The following LDAH variants were observed in gnomAD, a reference collection of about 807,000 sequenced individuals.
LDAH encodes lipid droplet associated hydrolase.
LDAH carries 26 observed loss-of-function variants against 29.6 expected under a neutral mutation model. The observed-to-expected ratio is 0.88, with a 90% CI of 0.64 to 1.22. The LOEUF (loss-of-function observed/expected upper bound fraction) is 1.22. Among genes scored for constraint, LDAH ranks in the 50% most tolerant of loss-of-function variants. The probability of loss-of-function intolerance (pLI) is 0.00; values close to 1 mark genes in which losing one functional copy is unlikely to be tolerated. For missense variants in LDAH, 344 were observed against 387.3 expected, an observed-to-expected ratio of 0.89 and a Z score of 0.94; for synonymous variants, 117 against 133.0, an observed-to-expected ratio of 0.88 and a Z score of 0.83.
At chr2:20,794,584 T>C (rs1268522729) in intron 2 of LDAH, among the ~76,000 whole-genome samples, 1 of 152,174 alleles carries the variant, frequency 6.6e-6, no homozygotes, top group Non-Finnish European at 1.5e-5. Flanking sequence ...AATGCTGGAT[T>C]GGTTTAACAT....
intron 5 of LDAH, among the ~76,000 whole-genome samples, chr2:20,737,950 A>G (rs1458144264): frequency 6.6e-6 from 1 of 152,086 alleles, no homozygotes; most frequent in East Asian, 1.9e-4. Flanking sequence ...TTTTGCTTTT[A>G]AGATAAAAAT....
chr2:20,801,684 TC>T (rs1302531116), intron 1 of LDAH, among the ~76,000 whole-genome samples: 1 of 152,060 alleles, frequency 6.6e-6, no homozygotes, highest in Non-Finnish European at 1.5e-5. Flanking sequence ...AGGAGACATA[TC>T]CTTGGAAAAA....
intron 5 of LDAH, among the ~76,000 whole-genome samples, chr2:20,704,310 C>G (rs1185429097): frequency 2.0e-5 from 3 of 152,144 alleles, no homozygotes; most frequent in Admixed American, 1.3e-4. Flanking sequence ...TATTTAGTCG[C>G]AGTTATATAC....
rs368436747 is a variant in LDAH, at chr2:20,707,750, C to T, written c.704-6098G>A. On this transcript the variant is annotated intron_variant, in intron 5 of 6. Coordinates refer to ENST00000237822, the MANE Select transcript of LDAH (RefSeq NM_021925.4). Reference sequence around the variant, plus strand: ...CTGTTTCTACCAGTCCACCAGAGAACGTCACAACCAACAATGCATCCACTA... The same window carrying T: ...CTGTTTCTACCAGTCCACCAGAGAATGTCACAACCAACAATGCATCCACTA... Among the ~76,000 whole-genome samples, 229 of 152,358 alleles carry T rather than the reference C, an allele frequency of 1.5e-3. 4 individuals are homozygous for T. The South Asian group carries it at 0.043, about 29-fold the overall frequency.
At chr2:20,731,574 T>A (rs1232068025) in intron 5 of LDAH, among the ~76,000 whole-genome samples, 1 of 152,220 alleles carries the variant, frequency 6.6e-6, no homozygotes, top group Non-Finnish European at 1.5e-5. Flanking sequence ...GAACACAGTA[T>A]GTCTCTCCAT....
At chr2:20,781,837 G>A (rs1264253950) in intron 3 of LDAH, among the ~76,000 whole-genome samples, 3 of 152,168 alleles carry the variant, frequency 2.0e-5, no homozygotes, top group Non-Finnish European at 1.5e-5. Context: ...TTGGCGCTAT[G>A]GTGGCCCTTT....
At chr2:20,806,931 A>C (rs990731765) in intron 1 of LDAH, among the ~76,000 whole-genome samples, 5 of 151,782 alleles carry the variant, frequency 3.3e-5, no homozygotes, top group Non-Finnish European at 7.4e-5. Flanking sequence ...GATAATAATG[A>C]AGAGTAGATA....
chr2:20,738,006 A>C (rs991038145), intron 5 of LDAH, among the ~76,000 whole-genome samples: 13 of 151,834 alleles, frequency 8.6e-5, no homozygotes, highest in African/African-American at 2.9e-4. Flanking sequence ...GTAATCCCAG[A>C]ACTTTGGGAG....
chr2:20,759,827 G>C (rs1314227143), intron 4 of LDAH, among the ~76,000 whole-genome samples: 1 of 152,108 alleles, frequency 6.6e-6, no homozygotes, highest in East Asian at 1.9e-4. Context: ...ACATTTTTCA[G>C]ACCTATATCC....
chr2:20,686,854 A>G lies in LDAH; in HGVS notation c.*49T>C. The G allele has an allele frequency of 6.7e-7, 1 of 1,501,932 alleles. No individual in the cohort carries two copies. Among genetic ancestry groups the G allele is most frequent in the Middle Eastern group, 1.7e-4 (1 of 5,718 alleles). 93.0% of individuals were successfully genotyped at this position (1,501,932 alleles called of 1,614,324 possible). A position where few individuals can be genotyped will look rare whatever the true frequency, so the allele number is the denominator to read the frequency against. On this transcript the variant is annotated 3_prime_UTR_variant, in exon 7 of 7. Transcript: ENST00000237822. ...AACATTTACCTACTAAGTCTAGTAC[A>G]CTGACTGCCTCCATGTACTGGCAGT...
intron 5 of LDAH, among the ~76,000 whole-genome samples, chr2:20,726,967 C>T (rs1666062286): frequency 6.6e-6 from 1 of 152,198 alleles, no homozygotes; most frequent in Non-Finnish European, 1.5e-5. Context: ...CCTAGTACCA[C>T]ACTAATCACC....
intron 4 of LDAH, among the ~76,000 whole-genome samples, chr2:20,765,096 G>T (rs975222777): frequency 5.3e-5 from 8 of 152,198 alleles, no homozygotes; most frequent in African/African-American, 1.9e-4. Context: ...CTTTTGCAAA[G>T]ACATAAATAT....
intron 3 of LDAH, among the ~76,000 whole-genome samples, chr2:20,785,427 C>T (rs553377681): frequency 2.0e-5 from 3 of 152,344 alleles, no homozygotes; most frequent in East Asian, 1.9e-4. Context: ...TTCTCATCTT[C>T]GTTCTTCTAC....
At chr2:20,783,673 G>A (rs1670355285) in intron 3 of LDAH, among the ~76,000 whole-genome samples, 2 of 152,022 alleles carry the variant, frequency 1.3e-5, no homozygotes, top group South Asian at 4.1e-4. Flanking sequence ...ACATATCTGT[G>A]TCTTTATACT....
intron 1 of LDAH, among the ~76,000 whole-genome samples, chr2:20,804,021 T>C (rs1431341317): frequency 6.6e-6 from 1 of 152,188 alleles, no homozygotes; most frequent in Admixed American, 6.5e-5. Context: ...GAAGCCTTCC[T>C]TGAGCACCCC....
intron 2 of LDAH, among the ~76,000 whole-genome samples, 199 bp from the exon 3 acceptor site, chr2:20,790,597 A>C (rs1670881888): frequency 6.6e-6 from 1 of 152,192 alleles, no homozygotes; most frequent in South Asian, 2.1e-4. Flanking sequence ...CTTCCAGATA[A>C]AGTCATCTGG....
At chr2:20,760,406 A>G (rs761639026) in intron 4 of LDAH, among the ~76,000 whole-genome samples, 1 of 152,230 alleles carries the variant, frequency 6.6e-6, no homozygotes, top group Non-Finnish European at 1.5e-5. Flanking sequence ...AGCTTAGAAC[A>G]ATACGAACTT....
chr2:20,734,275 G>A (rs1666625735), intron 5 of LDAH, among the ~76,000 whole-genome samples: 1 of 151,992 alleles, frequency 6.6e-6, no homozygotes, highest in African/African-American at 2.4e-5. Flanking sequence ...TCTTTTAATT[G>A]TATATTTAGA....
intron 1 of LDAH, among the ~76,000 whole-genome samples, chr2:20,810,476 T>C (rs1487992987): frequency 6.6e-6 from 1 of 152,236 alleles, no homozygotes; most frequent in African/African-American, 2.4e-5. Flanking sequence ...ACAATATGAC[T>C]GTGACATTTC....
Sources: allele counts gnomAD v4.1 joint callset (sites outside exome capture counted in the v4.1 genomes callset), GRCh38; gene constraint gnomAD v4.1.1; transcripts MANE v1.5; gene names NCBI Gene and HGNC (gene_info 2026-07-23, HGNC 2026-07-21).